Variants in PKM observed in about 807,000 individuals in gnomAD.
PKM encodes pyruvate kinase PKM.
In PKM, 18 loss-of-function variants were observed where a neutral mutation model predicts 49.8. The ratio of observed to expected loss-of-function variants is 0.36; its 90% CI spans 0.25 to 0.54. The LOEUF is 0.54. Ranked by LOEUF, PKM falls within the 20% of genes least tolerant of loss-of-function variation. The pLI is 0.89. For synonymous variants in PKM, 239 were observed against 261.8 expected (o/e 0.91, Z 0.84); for missense variants, 508 against 713.8 (o/e 0.71, Z 3.28).
chr15:72,206,371 TC>T, intron 8 of PKM: 2 of 247,378 alleles, frequency 8.1e-6, no homozygotes. Context: ...AACTTCTGAC[TC>T]TGAGGAAGAG....
rs747522044 is a variant in PKM, at chr15:72,207,300, G to A, written c.837-23C>T. The A allele has an allele frequency of 3.7e-6, 6 of 1,612,844 alleles. No homozygotes were observed. The Admixed American group carries it at 1.0e-4, about 27-fold the overall frequency. On this transcript the variant is annotated intron_variant, in intron 6 of 10. Coordinates refer to ENST00000335181, the MANE Select transcript of PKM (RefSeq NM_002654.6). ...AACCTGATGGACAAAGTTGGGGGGA[G>A]AGAGGTTATATAGAACAGAGGCCAC...
chr15:72,210,040 A>G, intron 4 of PKM, 181 bp from the exon 5 acceptor site: 1 of 667,958 alleles, frequency 1.5e-6, no homozygotes, highest in Non-Finnish European at 2.7e-6. Context: ...CAAGAAAAGA[A>G]TATGTTTCAG....
chr15:72,212,485 A>G (rs1041287287), intron 3 of PKM, among the ~76,000 whole-genome samples: 1 of 85,844 alleles, frequency 1.2e-5, no homozygotes, highest in Non-Finnish European at 2.6e-5. Flanking sequence ...TCTCTAAAAG[A>G]AAAAAAAAAA....
rs1052704891 is a variant in PKM at position 72,210,450 on chromosome 15, C to T, written c.275G>A (p.Arg92His). The change falls in exon 4 of 11, where the codon CGC (arginine) becomes CAC (histidine). Residue 92 changes from arginine to histidine, a missense_variant. Transcript: ENST00000335181. ...EYHAETIKNV[R>H]TATESFASDP... ...AGAAGCAAAGCTTTCCGTGGCTGTG[C>T]GCACATTCTTGATGGTCTCCGCATG... 6.2e-6 allele frequency: 10 copies of T among 1,613,988 alleles called. No homozygotes were observed. The highest frequency in any genetic ancestry group is 4.5e-5 in the East Asian group (2 of 44,894).
At chr15:72,214,866 C>T (rs1440835045) in intron 3 of PKM, among the ~76,000 whole-genome samples, 1 of 152,094 alleles carries the variant, frequency 6.6e-6, no homozygotes, top group African/African-American at 2.4e-5. Context: ...AGCAAGAATG[C>T]ATCTTGCCCA....
intron 2 of PKM, among the ~76,000 whole-genome samples, chr15:72,218,081 G>A (rs1488934264): frequency 6.6e-6 from 1 of 151,898 alleles, no homozygotes; most frequent in Non-Finnish European, 1.5e-5. Context: ...CATTTTTGTG[G>A]TGAGAACATT....
chr15:72,228,232 G>A (rs1260708508), intron 1 of PKM, among the ~76,000 whole-genome samples: 1 of 152,194 alleles, frequency 6.6e-6, no homozygotes, highest in African/African-American at 2.4e-5. Context: ...AGGAGAGGCG[G>A]CTGTGCCCGC....
At chr15:72,229,943 AAAAG>A (rs1310682412) in intron 1 of PKM, among the ~76,000 whole-genome samples, 3 of 151,688 alleles carry the variant, frequency 2.0e-5, no homozygotes, top group East Asian at 3.9e-4. Flanking sequence ...AAAAGAAAGG[AAAAG>A]AAAGAAACGT....
At chr15:72,217,557 T>G (rs1018958450) in intron 2 of PKM, 57 bp from the exon 3 acceptor site, 5 of 1,106,818 alleles carry the variant, frequency 4.5e-6, no homozygotes, top group Non-Finnish European at 6.9e-6. Flanking sequence ...GGAAAAACAT[T>G]TAAGTTTGCT....
intron 1 of PKM, chr15:72,229,738 G>C: frequency 8.6e-7 from 1 of 1,166,860 alleles, no homozygotes; most frequent in South Asian, 1.6e-5. Context: ...GCTATGACTC[G>C]TCTAGTCATC....
chr15:72,214,528 G>A (rs867090686), intron 3 of PKM, among the ~76,000 whole-genome samples: 7 of 152,172 alleles, frequency 4.6e-5, no homozygotes, highest in African/African-American at 1.7e-4. Context: ...AGGTGTGGTG[G>A]CTCACGCCTG....
intron 1 of PKM, among the ~76,000 whole-genome samples, chr15:72,224,582 G>A (rs1419159098): frequency 6.6e-6 from 1 of 152,106 alleles, no homozygotes; most frequent in African/African-American, 2.4e-5. Flanking sequence ...CTGAGCCATG[G>A]CTGGCTGTGT....
At chr15:72,230,689 G>T (rs563685932) in intron 1 of PKM, among the ~76,000 whole-genome samples, 1 of 152,160 alleles carries the variant, frequency 6.6e-6, no homozygotes, top group Non-Finnish European at 1.5e-5. Context: ...TGAAGAGGAG[G>T]GGGTGGAAGG....
intron 1 of PKM, among the ~76,000 whole-genome samples, chr15:72,226,326 G>C (rs1304095727): frequency 6.6e-6 from 1 of 152,124 alleles, no homozygotes; most frequent in Admixed American, 6.5e-5. Context: ...AGCAGACTGA[G>C]ACCATCCTGG....
At chr15:72,221,577 T>A (rs1320549971) in intron 1 of PKM, among the ~76,000 whole-genome samples, 1 of 147,052 alleles carries the variant, frequency 6.8e-6, no homozygotes, top group Non-Finnish European at 1.5e-5. Context: ...AAAAAAAAAA[T>A]CCTCTTTATT....
chr15:72,199,065 C>A lies in PKM; in HGVS notation c.*585G>T. On this transcript the variant is annotated 3_prime_UTR_variant, in exon 11 of 11. Transcript: ENST00000335181. ...TGTTGTTTATTGACATACAGGTAGGCTCTATAGCAACAGGCCTGGAGGTGC... is the reference window on the plus strand; with the variant it reads ...TGTTGTTTATTGACATACAGGTAGGATCTATAGCAACAGGCCTGGAGGTGC... 1 of 251,872 alleles carries A rather than the reference C, an allele frequency of 4.0e-6. No homozygotes were observed. Among genetic ancestry groups the A allele is most frequent in the Non-Finnish European group, 7.9e-6 (1 of 125,844 alleles). 15.6% of individuals were successfully genotyped at this position (251,872 alleles called of 1,614,324 possible). A position where few individuals can be genotyped will look rare whatever the true frequency, so the allele number is the denominator to read the frequency against.
At chr15:72,203,094 A>G (rs1420312566) in intron 8 of PKM, 28 of 1,614,048 alleles carry the variant, frequency 1.7e-5, no homozygotes, top group Non-Finnish European at 2.1e-5. Flanking sequence ...GCCCATGGCC[A>G]TGGCTTCCAT....
intron 1 of PKM, among the ~76,000 whole-genome samples, chr15:72,230,114 G>C (rs1386736650): frequency 2.0e-5 from 3 of 152,048 alleles, no homozygotes; most frequent in Non-Finnish European, 4.4e-5. Flanking sequence ...GAGATGGAGC[G>C]TGGTCCCTGG....
At chr15:72,230,484 G>A (rs978952407) in intron 1 of PKM, among the ~76,000 whole-genome samples, 3 of 152,176 alleles carry the variant, frequency 2.0e-5, no homozygotes, top group Non-Finnish European at 4.4e-5. Context: ...GGGAGGGAGG[G>A]AGCGGACACG....
Sources: gnomAD v4.1 joint callset for allele counts (sites outside exome capture counted in the v4.1 genomes callset) on GRCh38, gnomAD v4.1.1 for gene constraint, MANE v1.5 for transcripts, NCBI Gene and HGNC (gene_info 2026-07-23, HGNC 2026-07-21) for gene names.